The following AIFM3 variants were observed in gnomAD, a reference collection of about 807,000 sequenced individuals.
AIFM3 encodes apoptosis-inducing factor 3.
Under a neutral mutation model 82.7 loss-of-function variants are expected in AIFM3, and 71 were observed. That is an observed-to-expected ratio of 0.86 (90% CI 0.71 to 1.05). The LOEUF is 1.05. Ranked by LOEUF, AIFM3 falls within the 50% of genes least tolerant of loss-of-function variation. The probability of loss-of-function intolerance (pLI) is 0.00; values close to 1 mark genes in which losing one functional copy is unlikely to be tolerated. For missense variants in AIFM3, 748 were observed against 816.7 expected, an observed-to-expected ratio of 0.92 and a Z score of 1.03; for synonymous variants, 337 against 329.1, an observed-to-expected ratio of 1.02 and a Z score of -0.26.
Position 20,981,175 on chromosome 22 carries a change from C to T in AIFM3, c.*144C>T. 1 of 1,180,710 alleles carries T rather than the reference C, an allele frequency of 8.5e-7. No homozygotes were observed. Among genetic ancestry groups the T allele is most frequent in the Non-Finnish European group, 1.2e-6 (1 of 832,800 alleles). The allele number at this position is 1,180,710 out of a possible 1,614,324, so 73.1% of individuals were successfully genotyped here. A position where few individuals can be genotyped will look rare whatever the true frequency, so the allele number is the denominator to read the frequency against. On this transcript the variant is annotated 3_prime_UTR_variant, in exon 21 of 21. Coordinates refer to ENST00000440238, the MANE Select transcript of AIFM3 (RefSeq NM_001386814.1). Reference sequence around the variant, plus strand: ...GTGCTTGCCTTCAGCCACCTGGCTCCCCTCCTGGGAGGCCTCTGCTGGATC... The same window carrying T: ...GTGCTTGCCTTCAGCCACCTGGCTCTCCTCCTGGGAGGCCTCTGCTGGATC...
Position 20,980,268 on chromosome 22 carries a change from G to A in AIFM3, c.1757+144G>A, listed in dbSNP as rs555178076. The A allele has an allele frequency of 3.8e-4, 258 of 684,096 alleles. No individual in the cohort carries two copies. In the East Asian group the frequency reaches 6.5e-3, roughly 17 times the overall value. 42.4% of individuals were successfully genotyped at this position (684,096 alleles called of 1,614,324 possible). On this transcript the variant is annotated intron_variant, in intron 19 of 20. Coordinates refer to ENST00000440238, the MANE Select transcript of AIFM3 (RefSeq NM_001386814.1). ...TCGCCTGAGGCTTACAGGACTACAG[G>A]GAGGTGTGGGGCAAGGATCATGGTT...
Position 20,981,014 on chromosome 22 carries a change from A to T in AIFM3, c.1801A>T (p.Thr601Ser). The T allele has an allele frequency of 6.2e-7, 1 of 1,614,170 alleles. No individual in the cohort carries two copies. The highest frequency in any genetic ancestry group is 8.5e-7 in the Non-Finnish European group (1 of 1,180,022). The change falls in exon 21 of 21, where the codon ACG becomes TCG. Residue 601 changes from threonine to serine, a missense_variant. Physicochemically the swap from Thr to Ser is moderately conservative, Grantham distance 58 (BLOSUM62 1). Around this residue, in one of 5 missense-constraint regions of AIFM3, gnomAD observed 183 missense variants for 158.2 expected, o/e 1.16. Coordinates refer to ENST00000440238, the MANE Select transcript of AIFM3 (RefSeq NM_001386814.1). ...CAGGACTGGCGACATGTCCTGGCTT[A>T]CGGGGAAAGGATCCTGAGCTCACAT... The part of the protein sequence containing the change: ...HSKTGDMSWL[T>S]GKGS
chr22:20,976,696 C>T lies in AIFM3; in HGVS notation c.1076C>T (p.Ser359Phe), dbSNP rs45606234. Residue 359 changes from serine to phenylalanine, a missense_variant, in exon 12 of 21, where the codon TCT becomes TTT. Coordinates refer to ENST00000440238, the MANE Select transcript of AIFM3 (RefSeq NM_001386814.1). ...AYLTEKAHSV[S>F]VVELEETPFR... ...CTGACGGAGAAGGCCCACTCTGTGT[C>T]TGTGGTGGAGCTGGAGGAGACGCCC... is the stretch of plus-strand genomic sequence containing the variant. The T allele has an allele frequency of 6.2e-7, 1 of 1,609,618 alleles. No individual in the cohort carries two copies. The highest frequency in any genetic ancestry group is 8.5e-7 in the Non-Finnish European group (1 of 1,177,884).
At chr22:20,976,160 G>T in intron 9 of AIFM3, 55 bp from the exon 10 acceptor site, 1 of 1,396,132 alleles carries the variant, frequency 7.2e-7, no homozygotes, top group Non-Finnish European at 9.4e-7. Context: ...CGGGGAGTGG[G>T]CGGCGAGGCC....
chr22:20,968,856 T>TTG (rs1923087539), intron 2 of AIFM3, among the ~76,000 whole-genome samples: 1 of 152,136 alleles, frequency 6.6e-6, no homozygotes, highest in Non-Finnish European at 1.5e-5. Context: ...TCCCCTTACC[T>TTG]GATACCCATC....
chr22:20,972,286 C>T (rs909476983), intron 2 of AIFM3, among the ~76,000 whole-genome samples: 2 of 151,922 alleles, frequency 1.3e-5, no homozygotes, highest in South Asian at 2.1e-4. Context: ...CCTGTAATCC[C>T]AGCTGCTCAA....
intron 3 of AIFM3, 91 bp from the exon 4 acceptor site, chr22:20,973,667 G>C: frequency 7.0e-7 from 1 of 1,422,850 alleles, no homozygotes; most frequent in Non-Finnish European, 9.5e-7. Flanking sequence ...ACCGGTCTGG[G>C]CCTGCTCCCC....
intron 5 of AIFM3, 28 bp downstream of exon 5, chr22:20,974,200 A>T (rs759795146): frequency 6.2e-7 from 1 of 1,613,376 alleles, no homozygotes; most frequent in African/African-American, 1.3e-5. Flanking sequence ...ATGGGGTGGG[A>T]ACCTGGGGGT....
rs1229341020 is a variant in AIFM3 at position 20,976,937 on chromosome 22, AG to A, written c.1218+1del. ...TCTGAGCTGCGGGGCCAGGAGGGAA[AG>A]GTGGGCCCTTCTCCCTTCTCCCTGC... The part of the protein sequence containing the change: ...EVSELRGQEG[K>X]LKEVVLKSSK... On this transcript the variant is annotated frameshift_variant and splice_region_variant, in exon 13 of 21. Coordinates refer to ENST00000440238, the MANE Select transcript of AIFM3 (RefSeq NM_001386814.1). LOFTEE classifies it high-confidence loss of function. 1.2e-6 allele frequency: 2 copies of A among 1,611,590 alleles called. No individual in the cohort carries two copies. The highest frequency in any genetic ancestry group is 1.7e-6 in the Non-Finnish European group (2 of 1,178,054).
At position 20,973,321 on chromosome 22, in the gene AIFM3, G is replaced by A. The variant is rs748513370; in HGVS notation, c.46G>A (p.Glu16Lys). 3 of 1,592,180 alleles carry A rather than the reference G, an allele frequency of 1.9e-6. No individual in the cohort carries two copies. The highest frequency in any genetic ancestry group is 2.6e-6 in the Non-Finnish European group (3 of 1,169,844). ...SKPKPVELKIEVVLPEKERGK... is the reference protein window; with the variant it reads ...SKPKPVELKIKVVLPEKERGK... ...CTTGCCCACAGTGGAGCTCAAGATC[G>A]AGGTGGTGCTGCCTGAGAAGGAGCG... The change falls in exon 3 of 21, where the codon GAG becomes AAG. Residue 16 changes from glutamate to lysine, a missense_variant. Coordinates refer to ENST00000440238, the MANE Select transcript of AIFM3 (RefSeq NM_001386814.1).
At chr22:20,968,760 G>A (rs1486078352) in intron 2 of AIFM3, among the ~76,000 whole-genome samples, 1 of 152,082 alleles carries the variant, frequency 6.6e-6, no homozygotes, top group Non-Finnish European at 1.5e-5. Flanking sequence ...CCTCAAGAGC[G>A]CAGCCAGTGC....
chr22:20,969,339 G>T (rs1044307464), intron 2 of AIFM3, among the ~76,000 whole-genome samples: 1 of 152,204 alleles, frequency 6.6e-6, no homozygotes, highest in Non-Finnish European at 1.5e-5. Context: ...GTGGCCTTGG[G>T]CAGGTGATTT....
At chr22:20,976,382 C>T in intron 10 of AIFM3, 26 bp from the exon 11 acceptor site, 3 of 1,613,718 alleles carry the variant, frequency 1.9e-6, no homozygotes, top group Admixed American at 3.3e-5. Flanking sequence ...TGCCAGGAGG[C>T]CCTCACTGAC....
Position 20,977,735 on chromosome 22 carries a change from G to T in AIFM3, c.1318G>T (p.Gly440Cys), listed in dbSNP as rs138766186. 9.9e-6 allele frequency: 16 copies of T among 1,614,174 alleles called. No homozygotes were observed. In the South Asian group the frequency reaches 1.6e-4, roughly 17 times the overall value. Reference protein sequence around the residue: ...VPATGFLRQSGIGLDSRGFIP... With the variant: ...VPATGFLRQSCIGLDSRGFIP... Reference sequence around the variant, plus strand: ...CGCCACAGGCTTCCTGAGGCAAAGCGGCATCGGTTTGGATTCCCGAGGCTT... The same window carrying T: ...CGCCACAGGCTTCCTGAGGCAAAGCTGCATCGGTTTGGATTCCCGAGGCTT... The change falls in exon 15 of 21, where the codon GGC becomes TGC. Residue 440 changes from glycine to cysteine, a missense_variant. Physicochemically the swap from Gly to Cys is radical, Grantham distance 159 (BLOSUM62 -3). This residue lies in a region of AIFM3 where 393 missense variants were observed against 481.1 expected (regional missense o/e 0.82). Transcript: ENST00000440238.
Position 20,981,141 on chromosome 22 carries a change from G to A in AIFM3, c.*110G>A. 4 of 1,491,588 alleles carry A rather than the reference G, an allele frequency of 2.7e-6. No individual in the cohort carries two copies. Among genetic ancestry groups the A allele is most frequent in the Non-Finnish European group, 2.7e-6 (3 of 1,091,714 alleles). The allele number at this position is 1,491,588 out of a possible 1,614,324, so 92.4% of individuals were successfully genotyped here. A position where few individuals can be genotyped will look rare whatever the true frequency, so the allele number is the denominator to read the frequency against. On this transcript the variant is annotated 3_prime_UTR_variant, in exon 21 of 21. Transcript: ENST00000440238. Reference sequence around the variant, plus strand: ...CAGGATCCCCCAGGGCAGAACCTGAGCCCTCCCAGTGCTTGCCTTCAGCCA... The same window carrying A: ...CAGGATCCCCCAGGGCAGAACCTGAACCCTCCCAGTGCTTGCCTTCAGCCA...
At chr22:20,975,203 C>T (rs1008852881) in intron 8 of AIFM3, among the ~76,000 whole-genome samples, 2 of 151,514 alleles carry the variant, frequency 1.3e-5, no homozygotes, top group Non-Finnish European at 2.9e-5. Context: ...CTGAGCTCAG[C>T]CCATCCGCCC....
Position 20,974,131 on chromosome 22 carries a change from C to T in AIFM3, c.424C>T (p.Leu142=), listed in dbSNP as rs1222275860. The T allele has an allele frequency of 6.2e-7, 1 of 1,613,286 alleles. No individual in the cohort carries two copies. Among genetic ancestry groups the T allele is most frequent in the Admixed American group, 1.7e-5 (1 of 59,986 alleles). Residue 142 remains leucine, a synonymous_variant, in exon 5 of 21, where the codon CTG becomes TTG. Transcript: ENST00000440238. ...GACFNISTGD[L]EDFPGLDSLH... ...CTGCTTCAACATCAGCACTGGGGAC[C>T]TGGAGGACTTCCCTGGCCTGGACAG...
rs760420862 is a variant in AIFM3, at chr22:20,973,549, G to A, written c.245+29G>A. On this transcript the variant is annotated intron_variant, in intron 3 of 20. Coordinates refer to ENST00000440238, the MANE Select transcript of AIFM3 (RefSeq NM_001386814.1). ...GGTTCTGGGCTTGCCTGGGAGCGGG[G>A]ATCAGGGGTCCCAAGGTGGGAGGGT... The A allele has an allele frequency of 1.3e-5, 20 of 1,591,116 alleles. No individual in the cohort carries two copies. In the South Asian group the frequency reaches 1.3e-4, roughly 11 times the overall value.
rs575044944 is a variant in AIFM3, at chr22:20,974,794, A to G, written c.698A>G (p.Tyr233Cys). 5 of 1,612,692 alleles carry G rather than the reference A, an allele frequency of 3.1e-6. No individual in the cohort carries two copies. In the African/African-American group the frequency reaches 5.3e-5, roughly 17 times the overall value. Residue 233 changes from tyrosine (Y) to cysteine (C), a missense_variant, in exon 8 of 21, where the codon TAC (tyrosine) becomes TGC (cysteine). Physicochemically the swap from Tyr to Cys is radical, Grantham distance 194 (BLOSUM62 -2). This residue lies in a region of AIFM3 where 393 missense variants were observed against 481.1 expected (regional missense o/e 0.82). Transcript: ENST00000440238. ...VLCTLDRHLP[Y>C]DRPKLSKSLD... ...TGCACGCTAGACCGGCACCTTCCCT[A>G]CGACCGTCCCAAGCTCAGCAAGGTA...
Sources: gnomAD v4.1 joint callset for allele counts (sites outside exome capture counted in the v4.1 genomes callset) on GRCh38, gnomAD v4.1.1 for gene constraint, gnomAD v4.1.1 regional missense constraint, MANE v1.5 for transcripts, NCBI Gene and HGNC (gene_info 2026-07-23, HGNC 2026-07-21) for gene names.